NDUFAF2: variants seen among roughly 807,000 people sequenced by gnomAD.
The protein encoded by NDUFAF2 is NADH dehydrogenase [ubiquinone] 1 alpha subcomplex assembly factor 2.
NDUFAF2 carries 13 observed loss-of-function variants against 22.8 expected under a neutral mutation model. The ratio of observed to expected loss-of-function variants is 0.57; its 90% CI spans 0.37 to 0.91. The LOEUF is 0.91. Ranked by LOEUF, NDUFAF2 falls within the 40% of genes least tolerant of loss-of-function variation. NDUFAF2 has a pLI of 0.01. For missense variants in NDUFAF2, 162 were observed against 195.2 expected (o/e 0.83, Z 1.01); for synonymous variants, 53 against 64.2 (o/e 0.83, Z 0.84).
chr5:61,107,046 TACACACACACACAC>T (rs59521177), intron 3 of NDUFAF2, among the ~76,000 whole-genome samples: 10 of 123,938 alleles, frequency 8.1e-5, no homozygotes, highest in South Asian at 2.7e-4. Context: ...TGGATAAATA[TACACACACACACAC>T]ACACACACAC....
At chr5:60,979,391 G>A (rs1750946068) in intron 1 of NDUFAF2, among the ~76,000 whole-genome samples, 1 of 152,144 alleles carries the variant, frequency 6.6e-6, no homozygotes, top group African/African-American at 2.4e-5. Flanking sequence ...GCTCCTGGGT[G>A]GCATTTCTGG....
At chr5:61,006,626 G>T (rs1292841947) in intron 1 of NDUFAF2, among the ~76,000 whole-genome samples, 1 of 152,116 alleles carries the variant, frequency 6.6e-6, no homozygotes, top group Non-Finnish European at 1.5e-5. Context: ...ATTGAGCACT[G>T]ATTTGTAGTT....
intron 1 of NDUFAF2, among the ~76,000 whole-genome samples, chr5:60,954,594 T>A (rs931321645): frequency 6.6e-6 from 1 of 152,206 alleles, no homozygotes; most frequent in Non-Finnish European, 1.5e-5. Flanking sequence ...ATTTTAGGTA[T>A]CTGAAAATAC....
chr5:60,985,432 G>A (rs1751059757), intron 1 of NDUFAF2, among the ~76,000 whole-genome samples: 1 of 151,944 alleles, frequency 6.6e-6, no homozygotes, highest in Non-Finnish European at 1.5e-5. Context: ...CTTACCTTCT[G>A]CTAGCTTTTG....
intron 1 of NDUFAF2, among the ~76,000 whole-genome samples, chr5:60,990,093 A>G (rs1213509405): frequency 2.0e-5 from 3 of 152,170 alleles, no homozygotes; most frequent in African/African-American, 7.2e-5. Flanking sequence ...TGTGGGAGCT[A>G]AAAATTAAAC....
intron 1 of NDUFAF2, among the ~76,000 whole-genome samples, chr5:61,049,194 T>G (rs1358952774): frequency 6.6e-6 from 1 of 152,166 alleles, no homozygotes; most frequent in Non-Finnish European, 1.5e-5. Flanking sequence ...TTATTAAAAC[T>G]GTTATAAATA....
intron 3 of NDUFAF2, among the ~76,000 whole-genome samples, chr5:61,149,440 C>A (rs929492865): frequency 6.6e-6 from 1 of 151,766 alleles, no homozygotes; most frequent in Non-Finnish European, 1.5e-5. Context: ...GGATTGGAAC[C>A]CTGTCTGAGT....
At chr5:61,052,532 G>C (rs1273387294) in intron 1 of NDUFAF2, among the ~76,000 whole-genome samples, 5 of 152,022 alleles carry the variant, frequency 3.3e-5, no homozygotes, top group Admixed American at 3.3e-4. Context: ...GGATGGTCTC[G>C]ATCTCCTGAC....
rs116467415 is a variant in NDUFAF2, at chr5:61,073,320, G to T, written c.217+106G>T. The T allele has an allele frequency of 8.6e-4, 750 of 869,006 alleles. 11 individuals carry two copies. In the African/African-American group the frequency reaches 0.011, roughly 13 times the overall value. The allele number at this position is 869,006 out of a possible 1,614,324, so 53.8% of individuals were successfully genotyped here. On this transcript the variant is annotated intron_variant, in intron 2 of 3. Transcript: ENST00000296597. ...ATATACTGTTTCTCTTTGCAAAAAA[G>T]TTTTAGTGTCTGAATGTTTGAAACT... is the stretch of plus-strand genomic sequence containing the variant.
intron 1 of NDUFAF2, among the ~76,000 whole-genome samples, chr5:61,049,884 T>TTTACAC: frequency 1.4e-5 from 1 of 69,430 alleles, no homozygotes; most frequent in African/African-American, 7.5e-5. Flanking sequence ...CAATTTAAAT[T>TTTACAC]ATACACACAC....
intron 2 of NDUFAF2, among the ~76,000 whole-genome samples, chr5:61,087,782 C>T (rs1484243095): frequency 6.6e-6 from 1 of 152,048 alleles, no homozygotes; most frequent in Non-Finnish European, 1.5e-5. Flanking sequence ...AGAGGATAAA[C>T]AAATTGTCAT....
chr5:61,058,843 ACTT>A (rs890580756), intron 1 of NDUFAF2, among the ~76,000 whole-genome samples: 1 of 152,028 alleles, frequency 6.6e-6, no homozygotes, highest in Non-Finnish European at 1.5e-5. Context: ...TGAAATGACT[ACTT>A]CTTTCAGCTC....
At chr5:61,140,679 TC>T (rs1741039530) in intron 3 of NDUFAF2, among the ~76,000 whole-genome samples, 1 of 152,228 alleles carries the variant, frequency 6.6e-6, no homozygotes, top group South Asian at 2.1e-4. Context: ...CAAAAATGTT[TC>T]ACCATCACTT....
At chr5:61,081,450 A>AAAAGTGTCAGAAATGG (rs1455531178) in intron 2 of NDUFAF2, among the ~76,000 whole-genome samples, 1 of 152,208 alleles carries the variant, frequency 6.6e-6, no homozygotes, top group East Asian at 1.9e-4. Context: ...GATACAACAA[A>AAAAGTGTCAGAAATGG]AAAGTGTCAG....
chr5:61,093,704 T>C (rs1752600371), intron 2 of NDUFAF2, among the ~76,000 whole-genome samples: 1 of 152,256 alleles, frequency 6.6e-6, no homozygotes, highest in South Asian at 2.1e-4. Flanking sequence ...ATCAAGGATA[T>C]TGGCCTGAAG....
rs375847456 is a variant in NDUFAF2 at position 60,972,766 on chromosome 5, G to C, written c.127+27384G>C. 8.5e-3 allele frequency among the ~76,000 whole-genome samples: 815 copies of C among 96,134 alleles called. 10 individuals are homozygous for C. The highest frequency in any genetic ancestry group is 0.045 in the Middle Eastern group (5 of 112). 63.1% of individuals were successfully genotyped at this position (96,134 alleles called of 152,430 possible). On this transcript the variant is annotated intron_variant, in intron 1 of 3. Transcript: ENST00000296597. Reference sequence around the variant, plus strand: ...AGCACATTCTCATTTACTGATATGTGTATTCTGTTTTTTTTTTTTTTGGTT... The same window carrying C: ...AGCACATTCTCATTTACTGATATGTCTATTCTGTTTTTTTTTTTTTTGGTT...
At chr5:61,007,625 T>C (rs1751385309) in intron 1 of NDUFAF2, among the ~76,000 whole-genome samples, 1 of 152,152 alleles carries the variant, frequency 6.6e-6, no homozygotes, top group South Asian at 2.1e-4. Context: ...CCAGTTAGAA[T>C]GGCAGTCATT....
At chr5:61,013,344 G>A (rs1751465526) in intron 1 of NDUFAF2, among the ~76,000 whole-genome samples, 1 of 151,656 alleles carries the variant, frequency 6.6e-6, no homozygotes, top group South Asian at 2.1e-4. Context: ...TTTTAATTTT[G>A]TTTAATGTCT....
intron 3 of NDUFAF2, among the ~76,000 whole-genome samples, chr5:61,147,456 T>TTTTTTTTTTTTTTTTTCA (rs1579854566): frequency 6.9e-6 from 1 of 145,186 alleles, no homozygotes; most frequent in African/African-American, 2.5e-5. Context: ...TTTTTTTTTG[T>TTTTTTTTTTTTTTTTTCA]AGCAACAGGG....
Sources: gnomAD v4.1 joint callset for allele counts (sites outside exome capture counted in the v4.1 genomes callset) on GRCh38, gnomAD v4.1.1 for gene constraint, MANE v1.5 for transcripts, NCBI Gene and HGNC (gene_info 2026-07-23, HGNC 2026-07-21) for gene names.